The following POU1F1 variants were observed in gnomAD, a reference collection of about 807,000 sequenced individuals.
POU1F1 encodes the protein POU class 1 homeobox 1, also known as pituitary-specific positive transcription factor 1.
In POU1F1, 23 loss-of-function variants were observed where a neutral mutation model predicts 32.3. That is an observed-to-expected ratio of 0.71 (90% CI 0.51 to 1.01). The LOEUF (loss-of-function observed/expected upper bound fraction) is 1.01. POU1F1 is among the 50% of genes least tolerant of loss of function. POU1F1 has a pLI of 0.00. For missense variants in POU1F1, 323 were observed against 341.6 expected (o/e 0.95, Z 0.43); for synonymous variants, 120 against 115.6 (o/e 1.04, Z -0.25).
At chr3:87,261,383 TA>T in intron 4 of POU1F1, 50 bp from the exon 5 acceptor site, 4 of 1,355,552 alleles carry the variant, frequency 3.0e-6, no homozygotes, top group Non-Finnish European at 4.1e-6. Context: ...AGACTTTTTA[TA>T]AAAAACGATC....
intron 1 of POU1F1, 74 bp from the exon 2 acceptor site, chr3:87,273,492 T>C: frequency 1.9e-6 from 3 of 1,600,044 alleles, no homozygotes; most frequent in East Asian, 2.2e-5. Context: ...ACAAAATAGA[T>C]GGGACTGGTA....
intron 3 of POU1F1, 74 bp from the exon 4 acceptor site, chr3:87,262,309 T>A (rs1706529277): frequency 6.5e-7 from 1 of 1,535,506 alleles, no homozygotes; most frequent in Non-Finnish European, 9.0e-7. Context: ...GTCACACAAA[T>A]CTGTGTATCT....
rs184721233 is a variant in POU1F1 at position 87,273,722 on chromosome 3, G to C, written c.143-304C>G. The stretch of plus-strand genomic sequence containing the variant: ...CCTGTGCTCTGTGCTATGGCTACGA[G>C]TGCCCCGTGAAGGGGTGACTGACCA... On this transcript the variant is annotated intron_variant, in intron 1 of 5. Coordinates refer to ENST00000350375, the MANE Select transcript of POU1F1 (RefSeq NM_000306.4). Among the ~76,000 whole-genome samples, 21 of 152,236 alleles carry C rather than the reference G, an allele frequency of 1.4e-4. No individual in the cohort carries two copies. In the East Asian group the frequency reaches 3.1e-3, roughly 22 times the overall value.
chr3:87,269,717 A>G (rs1267906111), intron 2 of POU1F1, among the ~76,000 whole-genome samples: 1 of 152,136 alleles, frequency 6.6e-6, no homozygotes, highest in African/African-American at 2.4e-5. Flanking sequence ...CTTCTCATGA[A>G]AAAGAATTGG....
intron 2 of POU1F1, among the ~76,000 whole-genome samples, chr3:87,265,971 A>T (rs1403395316): frequency 6.6e-6 from 1 of 151,102 alleles, no homozygotes; most frequent in Non-Finnish European, 1.5e-5. Flanking sequence ...AAAATAAATT[A>T]CTATGGAATA....
chr3:87,264,879 A>C (rs1214260694), intron 2 of POU1F1, among the ~76,000 whole-genome samples: 1 of 152,168 alleles, frequency 6.6e-6, no homozygotes, highest in Non-Finnish European at 1.5e-5. Context: ...ACCAGAGTCT[A>C]TGCATTGAAC....
At chr3:87,262,788 C>A (rs139927513) in intron 3 of POU1F1, among the ~76,000 whole-genome samples, 1 of 152,076 alleles carries the variant, frequency 6.6e-6, no homozygotes, top group East Asian at 1.9e-4. Flanking sequence ...CTTCTGAGCC[C>A]ATTTTATAGT....
Position 87,266,850 on chromosome 3 carries a change from A to G in POU1F1, c.215-2338T>C, listed in dbSNP as rs187629134. On this transcript the variant is annotated intron_variant, in intron 2 of 5. Coordinates refer to ENST00000350375, the MANE Select transcript of POU1F1 (RefSeq NM_000306.4). ...TATTTAATCTCATATTTATCTGAAG[A>G]CTTGTTTTGTGCTTATGCTTTCAGA... Among the ~76,000 whole-genome samples the G allele has an allele frequency of 1.1e-4, 16 of 152,094 alleles. No individual in the cohort carries two copies. In the East Asian group the frequency reaches 1.7e-3, roughly 17 times the overall value.
chr3:87,267,953 T>A (rs184528806), intron 2 of POU1F1, among the ~76,000 whole-genome samples: 2 of 152,082 alleles, frequency 1.3e-5, no homozygotes, highest in Admixed American at 6.6e-5. Context: ...TCTGGGAAAG[T>A]GGACACGCAG....
In POU1F1 at chr3:87,276,542, G is replaced by A. The variant is rs973154078; in HGVS notation, c.-80C>T. On this transcript the variant is annotated 5_prime_UTR_variant, in exon 1 of 6. Transcript: ENST00000350375. ...TATTATATTACTGTCTCAAAGGGCC[G>A]ATTCAATTCTCACTACCTGCATATA... 1.2e-5 allele frequency: 18 copies of A among 1,504,770 alleles called. No individual in the cohort carries two copies. In the African/African-American group the frequency reaches 2.1e-4, roughly 17 times the overall value. 93.2% of individuals were successfully genotyped at this position (1,504,770 alleles called of 1,614,324 possible).
At chr3:87,269,232 T>C (rs76958398) in intron 2 of POU1F1, among the ~76,000 whole-genome samples, 4,129 of 152,300 alleles carry the variant, frequency 0.027, 81 homozygotes, top group African/African-American at 0.043. Flanking sequence ...CTATTGCCTG[T>C]GTTTGTAAAT....
intron 2 of POU1F1, among the ~76,000 whole-genome samples, chr3:87,267,106 G>A (rs945131915): frequency 1.3e-5 from 2 of 151,798 alleles, no homozygotes; most frequent in Admixed American, 6.6e-5. Context: ...TTTTACTTAC[G>A]CATACTAAAA....
intron 2 of POU1F1, among the ~76,000 whole-genome samples, chr3:87,270,493 GTT>G (rs1706703759): frequency 6.6e-6 from 1 of 152,130 alleles, no homozygotes; most frequent in African/African-American, 2.4e-5. Flanking sequence ...TTTCCTGTGA[GTT>G]ATTAATTTAA....
chr3:87,262,812 T>A lies in POU1F1; in HGVS notation c.440-577A>T, dbSNP rs1398130042. On this transcript the variant is annotated intron_variant, in intron 3 of 5. Transcript: ENST00000350375. Reference sequence around the variant, plus strand: ...CCATTTTATAGTTTTTGATAATGCCTCTGTCTTCAGACTAATGATCCTTAT... The same window carrying A: ...CCATTTTATAGTTTTTGATAATGCCACTGTCTTCAGACTAATGATCCTTAT... Among the ~76,000 whole-genome samples, 9 of 152,134 alleles carry A rather than the reference T, an allele frequency of 5.9e-5. 1 individual carries two copies. In the East Asian group the frequency reaches 1.5e-3, roughly 26 times the overall value.
Position 87,274,790 on chromosome 3 carries a change from TA to T in POU1F1, c.143-1373del, listed in dbSNP as rs72549239. Among the ~76,000 whole-genome samples the T allele has an allele frequency of 3.0e-3, 450 of 151,792 alleles. 3 individuals are homozygous for T. Among genetic ancestry groups the T allele is most frequent in the African/African-American group, 0.01 (418 of 41,560 alleles). On this transcript the variant is annotated intron_variant, in intron 1 of 5. Transcript: ENST00000350375. ...ATTATAAATCAATGCTATTATCATT[TA>T]AAACATTTGTAGGTCACTTTTATTA...
intron 2 of POU1F1, among the ~76,000 whole-genome samples, chr3:87,272,370 T>C (rs973958218): frequency 1.3e-5 from 2 of 152,334 alleles, no homozygotes; most frequent in South Asian, 4.1e-4. Flanking sequence ...TAGTTACATA[T>C]GTATACATGC....
chr3:87,270,737 G>A (rs921335282), intron 2 of POU1F1, among the ~76,000 whole-genome samples: 3 of 151,774 alleles, frequency 2.0e-5, no homozygotes, highest in Admixed American at 2.0e-4. Flanking sequence ...GACATAATAA[G>A]GTTTCTATTG....
intron 3 of POU1F1, 97 bp from the exon 4 acceptor site, chr3:87,262,332 A>C (rs1706529623): frequency 7.5e-7 from 1 of 1,340,746 alleles, no homozygotes; most frequent in Admixed American, 1.8e-5. Context: ...GTCAACTATT[A>C]CACACTATTT....
intron 2 of POU1F1, among the ~76,000 whole-genome samples, chr3:87,265,945 T>A (rs1387261565): frequency 1.3e-5 from 2 of 151,294 alleles, no homozygotes; most frequent in Non-Finnish European, 3.0e-5. Context: ...CATTTTCTTA[T>A]AAATATAAAT....
Sources: allele counts gnomAD v4.1 joint callset (sites outside exome capture counted in the v4.1 genomes callset), GRCh38; gene constraint gnomAD v4.1.1; transcripts MANE v1.5; gene names NCBI Gene and HGNC (gene_info 2026-07-23, HGNC 2026-07-21).